Variants in CAST observed in about 807,000 individuals in gnomAD.
CAST encodes calpastatin.
In CAST, 76 loss-of-function variants were observed where a neutral mutation model predicts 119.6. The observed-to-expected ratio is 0.64, with a 90% confidence interval of 0.53 to 0.77. CAST has a LOEUF of 0.77. Among genes scored for constraint, CAST ranks in the 30% least tolerant of loss-of-function variants. The pLI is 0.00. For synonymous variants in CAST, 319 were observed against 331.6 expected (o/e 0.96, Z 0.41); for missense variants, 953 against 946.5 (o/e 1.01, Z -0.09).
the CAST span, chr5:96,423,345 C>G: frequency 6.2e-7 from 1 of 1,612,864 alleles, no homozygotes; most frequent in Non-Finnish European, 8.5e-7. Flanking sequence ...TGATTCCACT[C>G]CAAACCATCA....
the CAST span, among the ~76,000 whole-genome samples, chr5:96,427,765 C>A: frequency 6.6e-6 from 1 of 152,166 alleles, no homozygotes; most frequent in Non-Finnish European, 1.5e-5. Context: ...CATTAATGGG[C>A]ATGCAGTTTG....
the CAST span, among the ~76,000 whole-genome samples, chr5:96,245,684 A>C: frequency 6.6e-6 from 1 of 152,086 alleles, no homozygotes; most frequent in African/African-American, 2.4e-5. Context: ...AAGAAGCATA[A>C]CTAGGCTTTG....
the CAST span, among the ~76,000 whole-genome samples, chr5:96,222,181 T>G: frequency 6.6e-6 from 1 of 151,976 alleles, no homozygotes; most frequent in African/African-American, 2.4e-5. Context: ...GAGAAAATAC[T>G]TCAGGACATA....
At chr5:96,169,466 T>C in the CAST span, among the ~76,000 whole-genome samples, 1 of 152,214 alleles carries the variant, frequency 6.6e-6, no homozygotes, top group Non-Finnish European at 1.5e-5. Context: ...CAAAACAATT[T>C]GGTTGATAAG....
At chr5:96,348,883 GA>G in the CAST span, among the ~76,000 whole-genome samples, 1 of 152,124 alleles carries the variant, frequency 6.6e-6, no homozygotes, top group Non-Finnish European at 1.5e-5. Flanking sequence ...GGCTGTAACG[GA>G]AGTGGTGTTC....
intron 3 of CAST, among the ~76,000 whole-genome samples, chr5:96,714,233 C>T (rs1361890391): frequency 6.6e-6 from 1 of 152,128 alleles, no homozygotes; most frequent in Non-Finnish European, 1.5e-5. Context: ...GATTAAGCAG[C>T]CTGCCTGTAG....
At chr5:95,981,568 C>T in the CAST span, among the ~76,000 whole-genome samples, 1 of 152,166 alleles carries the variant, frequency 6.6e-6, no homozygotes. Flanking sequence ...ATCTGGAAAC[C>T]ACCTATCCCT....
chr5:96,256,245 G>A, the CAST span, among the ~76,000 whole-genome samples: 1 of 147,440 alleles, frequency 6.8e-6, no homozygotes, highest in African/African-American at 2.5e-5. Flanking sequence ...AATTTATACA[G>A]TATTTATGTG....
At chr5:96,567,473 A>C (rs1746487917) in intron 1 of CAST, among the ~76,000 whole-genome samples, 1 of 152,112 alleles carries the variant, frequency 6.6e-6, no homozygotes, top group Non-Finnish European at 1.5e-5. Context: ...CACCAGCAGG[A>C]ATTGCCTTCT....
chr5:96,141,549 C>A, the CAST span, among the ~76,000 whole-genome samples: 1 of 152,162 alleles, frequency 6.6e-6, no homozygotes, highest in Admixed American at 6.5e-5. Flanking sequence ...AACTGCTCTA[C>A]CTGAAGGAGC....
the CAST span, among the ~76,000 whole-genome samples, chr5:96,045,755 C>A: frequency 6.6e-6 from 1 of 152,030 alleles, no homozygotes; most frequent in Admixed American, 6.6e-5. Context: ...AAAATTCAAG[C>A]CTAGTAGGTC....
the CAST span, among the ~76,000 whole-genome samples, chr5:95,986,481 C>T: frequency 6.6e-5 from 10 of 152,204 alleles, no homozygotes; most frequent in Non-Finnish European, 1.2e-4. Flanking sequence ...CAAGCACTCT[C>T]GCCTAACCTA....
At chr5:96,461,117 T>C in the CAST span, among the ~76,000 whole-genome samples, 2 of 152,168 alleles carry the variant, frequency 1.3e-5, no homozygotes, top group African/African-American at 4.8e-5. Flanking sequence ...ATACAATATA[T>C]GGCATTTTAT....
chr5:96,596,452 G>T (rs1482546269), intron 1 of CAST, among the ~76,000 whole-genome samples: 1 of 152,198 alleles, frequency 6.6e-6, no homozygotes, highest in Non-Finnish European at 1.5e-5. Context: ...CAATCAAACT[G>T]ATTTTTTGCT....
chr5:96,256,009 G>C, the CAST span, among the ~76,000 whole-genome samples: 1 of 151,956 alleles, frequency 6.6e-6, no homozygotes, highest in African/African-American at 2.4e-5. Flanking sequence ...ATGTGCAAGA[G>C]AGCATTCTGA....
the CAST span, among the ~76,000 whole-genome samples, chr5:96,114,457 CAAACTTTGGTGAATATAGG>C: frequency 7.0e-4 from 107 of 152,244 alleles, 1 homozygote; most frequent in South Asian, 0.022. Context: ...CTGAGGCTCT[CAAACTTTGGTGAATATAGG>C]AAACTCGTGA....
chr5:96,551,324 A>G (rs1360601486), intron 1 of CAST, among the ~76,000 whole-genome samples: 1 of 152,252 alleles, frequency 6.6e-6, no homozygotes, highest in Non-Finnish European at 1.5e-5. Context: ...ACTAAGCTTC[A>G]TAAGTGAAGG....
the CAST span, among the ~76,000 whole-genome samples, chr5:96,144,854 T>C: frequency 8.7e-4 from 132 of 152,092 alleles, no homozygotes; most frequent in Admixed American, 1.8e-3. Context: ...TTTTTTTTTG[T>C]ATTTTTGGTA....
the CAST span, among the ~76,000 whole-genome samples, chr5:96,306,215 A>G: frequency 6.6e-6 from 1 of 151,716 alleles, no homozygotes; most frequent in African/African-American, 2.4e-5. Flanking sequence ...TTTCTTCTAG[A>G]TTTTCTAGTT....
Sources: gnomAD v4.1 joint callset for allele counts (sites outside exome capture counted in the v4.1 genomes callset) on GRCh38, gnomAD v4.1.1 for gene constraint, MANE v1.5 for transcripts, NCBI Gene and HGNC (gene_info 2026-07-23, HGNC 2026-07-21) for gene names.